Variants in BBS9 observed in about 807,000 individuals in gnomAD.
The protein encoded by BBS9 is Bardet-Biedl syndrome 9, also known as protein PTHB1.
A neutral mutation model predicts 117.7 loss-of-function variants in BBS9; 89 were observed. The observed-to-expected ratio is 0.76, with a 90% confidence interval of 0.64 to 0.90. The LOEUF (loss-of-function observed/expected upper bound fraction) is 0.90, where lower values mean the gene tolerates loss of function less well. Among genes scored for constraint, BBS9 ranks in the 40% least tolerant of loss-of-function variants. The probability of loss-of-function intolerance (pLI) is 0.00; values close to 1 mark genes in which losing one functional copy is unlikely to be tolerated. For missense variants in BBS9, 982 were observed against 1,042.2 expected (o/e 0.94, Z 0.80); for synonymous variants, 379 against 370.9 (o/e 1.02, Z -0.25).
chr7:33,568,055 T>C (rs1857190142), intron 21 of BBS9, among the ~76,000 whole-genome samples: 1 of 152,222 alleles, frequency 6.6e-6, no homozygotes, highest in Non-Finnish European at 1.5e-5. Context: ...AGAACTTCCT[T>C]GGCTTACAGT....
intron 5 of BBS9, among the ~76,000 whole-genome samples, chr7:33,250,444 T>A (rs555471699): frequency 2.8e-4 from 42 of 152,346 alleles, no homozygotes; most frequent in African/African-American, 1.0e-3. Flanking sequence ...AAATAGCTTC[T>A]GAAATCCCAT....
rs143759774 is a variant in BBS9, at chr7:33,521,809, A to C, written c.2299-12145A>C. Among the ~76,000 whole-genome samples, 1,066 of 151,222 alleles carry C rather than the reference A, an allele frequency of 7.0e-3. 10 individuals carry two copies. The highest frequency in any genetic ancestry group is 0.025 in the African/African-American group (1,027 of 41,108). On this transcript the variant is annotated intron_variant, in intron 20 of 22. Coordinates refer to ENST00000242067, the MANE Select transcript of BBS9 (RefSeq NM_198428.3). ...TGTGCACCTTGTGCAGGTTAGTTAC[A>C]TATGTATACATGTGCCATGCTGGTG...
chr7:33,551,633 G>A (rs1333699356), intron 21 of BBS9, among the ~76,000 whole-genome samples: 1 of 152,108 alleles, frequency 6.6e-6, no homozygotes, highest in Non-Finnish European at 1.5e-5. Context: ...AGGTACTGGG[G>A]GCACAGTGGT....
intron 21 of BBS9, among the ~76,000 whole-genome samples, chr7:33,616,497 A>G (rs35906951): frequency 0.08 from 11,470 of 144,034 alleles, 650 homozygotes; most frequent in East Asian, 0.29. Context: ...GTGTGTGTAT[A>G]TATATATATA....
At chr7:33,372,163 A>C (rs1468247471) in intron 17 of BBS9, among the ~76,000 whole-genome samples, 5 of 152,166 alleles carry the variant, frequency 3.3e-5, no homozygotes, top group Non-Finnish European at 7.4e-5. Flanking sequence ...TATTGAGAAC[A>C]AGAGTTCAGA....
chr7:33,383,714 C>G lies in BBS9; in HGVS notation c.1838C>G (p.Thr613Ser). The change falls in exon 18 of 23, where the codon ACC (threonine) becomes AGC (serine). Residue 613 changes from threonine (T) to serine (S), a missense_variant. By Grantham distance (58) the Thr-to-Ser change is moderately conservative. Coordinates refer to ENST00000242067, the MANE Select transcript of BBS9 (RefSeq NM_198428.3). Reference sequence around the variant, plus strand: ...CAATTTGAAGATCTTTGGCTCATAACCAATGAGCTTATTCTTCGCCTTCAA... The same window carrying G: ...CAATTTGAAGATCTTTGGCTCATAAGCAATGAGCTTATTCTTCGCCTTCAA... ...SEQFEDLWLI[T>S]NELILRLQEY... 1 of 1,611,172 alleles carries G rather than the reference C, an allele frequency of 6.2e-7. No individual in the cohort carries two copies. The highest frequency in any genetic ancestry group is 8.5e-7 in the Non-Finnish European group (1 of 1,178,456).
In BBS9 at chr7:33,516,261, C is replaced by T. The variant is rs375517296; in HGVS notation, c.2298+10616C>T. ...ATCCCAGCACTTTGGGAGGCTGTGG[C>T]GGGTAGATCATGAGGTCAGGAGTTC... On this transcript the variant is annotated intron_variant, in intron 20 of 22. Transcript: ENST00000242067. Among the ~76,000 whole-genome samples the T allele has an allele frequency of 2.8e-4, 42 of 151,940 alleles. No individual in the cohort carries two copies. The East Asian group carries it at 4.3e-3, about 15-fold the overall frequency.
At chr7:33,585,649 TA>T (rs146316003) in intron 21 of BBS9, among the ~76,000 whole-genome samples, 17 of 151,684 alleles carry the variant, frequency 1.1e-4, no homozygotes, top group East Asian at 5.8e-4. Flanking sequence ...ACATAAGTGC[TA>T]AAAAAAAGGT....
At chr7:33,594,342 C>T (rs756464478) in intron 21 of BBS9, among the ~76,000 whole-genome samples, 4 of 152,082 alleles carry the variant, frequency 2.6e-5, no homozygotes, top group Admixed American at 6.6e-5. Flanking sequence ...CCATACATTT[C>T]GCGGGGCATC....
At chr7:33,410,954 A>AATAT (rs10685989) in intron 19 of BBS9, among the ~76,000 whole-genome samples, 152 of 143,956 alleles carry the variant, frequency 1.1e-3, no homozygotes, top group South Asian at 0.01. Flanking sequence ...GTATCCGTCT[A>AATAT]ATATATATAT....
At chr7:33,221,397 G>T (rs1583702529) in intron 5 of BBS9, among the ~76,000 whole-genome samples, 1 of 152,012 alleles carries the variant, frequency 6.6e-6, no homozygotes, top group African/African-American at 2.4e-5. Flanking sequence ...TTGCGTATGA[G>T]ACTGAAATCA....
chr7:33,397,168 C>A (rs1323055960), intron 19 of BBS9, among the ~76,000 whole-genome samples: 1 of 152,074 alleles, frequency 6.6e-6, no homozygotes, highest in Non-Finnish European at 1.5e-5. Flanking sequence ...AGGACATGAA[C>A]AGACACTTTT....
intron 1 of BBS9, among the ~76,000 whole-genome samples, chr7:33,134,938 G>A (rs1233324925): frequency 6.6e-6 from 1 of 152,050 alleles, no homozygotes; most frequent in Non-Finnish European, 1.5e-5. Flanking sequence ...TGTCATCCAG[G>A]CTGGAGTGCA....
chr7:33,273,702 G>A (rs575228171), intron 8 of BBS9, 125 bp from the exon 9 acceptor site: 2 of 861,548 alleles, frequency 2.3e-6, no homozygotes, highest in African/African-American at 1.7e-5. Flanking sequence ...GTTTTATTAT[G>A]TAAAATCTTT....
intron 21 of BBS9, among the ~76,000 whole-genome samples, chr7:33,542,435 C>G (rs1852478461): frequency 6.6e-6 from 1 of 152,110 alleles, no homozygotes; most frequent in South Asian, 2.1e-4. Context: ...ACCCATCACC[C>G]ATGTATACAC....
chr7:33,361,530 C>T (rs949642775), intron 16 of BBS9, among the ~76,000 whole-genome samples: 5 of 152,010 alleles, frequency 3.3e-5, no homozygotes, highest in Admixed American at 1.3e-4. Flanking sequence ...AATTGTATCA[C>T]GTTATACTCC....
chr7:33,464,031 G>A (rs985850928), intron 19 of BBS9, among the ~76,000 whole-genome samples: 1 of 151,876 alleles, frequency 6.6e-6, no homozygotes, highest in Non-Finnish European at 1.5e-5. Flanking sequence ...CTTTTAAATG[G>A]CAATTCTAAA....
intron 9 of BBS9, among the ~76,000 whole-genome samples, chr7:33,313,526 G>A (rs1219091604): frequency 6.6e-6 from 1 of 152,154 alleles, no homozygotes; most frequent in Non-Finnish European, 1.5e-5. Context: ...TCTAATAAGA[G>A]TTAGTTTCAA....
chr7:33,534,398 C>T (rs1851053605), intron 21 of BBS9: 1 of 588,028 alleles, frequency 1.7e-6, no homozygotes, highest in Non-Finnish European at 3.0e-6. Context: ...CTTTTTTCTT[C>T]TCTCTGCTTT....
Sources: allele counts gnomAD v4.1 joint callset (sites outside exome capture counted in the v4.1 genomes callset), GRCh38; gene constraint gnomAD v4.1.1; transcripts MANE v1.5; gene names NCBI Gene and HGNC (gene_info 2026-07-23, HGNC 2026-07-21).